The following ESRRG variants were observed in gnomAD, a reference collection of about 807,000 sequenced individuals.
ESRRG encodes the protein estrogen-related receptor gamma.
In ESRRG, 13 loss-of-function variants were observed where a neutral mutation model predicts 44.0. The observed-to-expected ratio is 0.30, with a 90% CI of 0.19 to 0.47. ESRRG has a LOEUF of 0.47. ESRRG is among the 20% of genes least tolerant of loss of function. The probability of loss-of-function intolerance (pLI) is 1.00; values close to 1 mark genes in which losing one functional copy is unlikely to be tolerated. For missense variants in ESRRG, 395 were observed against 580.6 expected (o/e 0.68, Z 3.29); for synonymous variants, 215 against 214.6 (o/e 1.00, Z -0.02).
At chr1:216,753,317 T>C (rs1180197714) in intron 2 of ESRRG, among the ~76,000 whole-genome samples, 1 of 152,068 alleles carries the variant, frequency 6.6e-6, no homozygotes, top group African/African-American at 2.4e-5. Context: ...GATATGACAA[T>C]TCAATTGGAT....
rs548078346 is a variant in ESRRG at position 216,673,007 on chromosome 1, C to T, written c.472+4069G>A. 6.0e-4 allele frequency among the ~76,000 whole-genome samples: 92 copies of T among 152,224 alleles called. 2 individuals carry two copies. The South Asian group carries it at 7.9e-3, about 13-fold the overall frequency. On this transcript the variant is annotated intron_variant, in intron 2 of 6. Transcript: ENST00000408911. ...TGAGGCAGGAGTCACATTTATGTAA[C>T]GGCCTGTCCATTGGGGCTCTAGTCT...
At chr1:216,833,834 GC>G (rs1312390305) in intron 2 of ESRRG, among the ~76,000 whole-genome samples, 1 of 152,168 alleles carries the variant, frequency 6.6e-6, no homozygotes, top group African/African-American at 2.4e-5. Flanking sequence ...CAAGCAAGTG[GC>G]AGTAAAATGC....
intron 2 of ESRRG, among the ~76,000 whole-genome samples, chr1:216,852,791 T>C (rs1160588736): frequency 6.6e-6 from 1 of 152,174 alleles, no homozygotes; most frequent in Non-Finnish European, 1.5e-5. Context: ...GGTCTAGAGA[T>C]AGGACTCATC....
intron 2 of ESRRG, among the ~76,000 whole-genome samples, chr1:216,788,274 G>C (rs1403590722): frequency 6.6e-6 from 1 of 152,110 alleles, no homozygotes; most frequent in African/African-American, 2.4e-5. Flanking sequence ...AAGCTCCAAA[G>C]AACAGGCCTA....
intron 5 of ESRRG, among the ~76,000 whole-genome samples, chr1:216,560,587 C>A (rs1164652616): frequency 6.6e-6 from 1 of 152,116 alleles, no homozygotes; most frequent in Non-Finnish European, 1.5e-5. Flanking sequence ...ATATTTTAAT[C>A]AACCAAAAAG....
intron 2 of ESRRG, among the ~76,000 whole-genome samples, chr1:216,839,482 T>A (rs2095617112): frequency 6.6e-6 from 1 of 152,228 alleles, no homozygotes; most frequent in Non-Finnish European, 1.5e-5. Flanking sequence ...TCTAGAATGA[T>A]GAATCCTTCC....
chr1:217,113,602 C>A (rs2092685259), intron 1 of ESRRG, among the ~76,000 whole-genome samples: 1 of 110,444 alleles, frequency 9.1e-6, no homozygotes, highest in Non-Finnish European at 2.3e-5. Flanking sequence ...TTGGGAGGGA[C>A]CATTTTTCAC....
At chr1:217,130,969 A>T (rs1264054379) in intron 1 of ESRRG, among the ~76,000 whole-genome samples, 1 of 152,172 alleles carries the variant, frequency 6.6e-6, no homozygotes, top group Non-Finnish European at 1.5e-5. Flanking sequence ...CTATATTGCC[A>T]CGAATTTAAT....
intron 1 of ESRRG, chr1:216,714,990 T>C (rs2084515492): frequency 3.0e-6 from 2 of 670,726 alleles, no homozygotes; most frequent in South Asian, 6.6e-5. Flanking sequence ...CCTGAGCTTC[T>C]GTGCATAAAT....
At chr1:216,744,963 G>C (rs569511796) in intron 2 of ESRRG, among the ~76,000 whole-genome samples, 2 of 152,254 alleles carry the variant, frequency 1.3e-5, no homozygotes, top group Admixed American at 1.3e-4. Context: ...AAACTATTTC[G>C]ATAGAGTAGA....
chr1:216,761,972 A>G (rs1211099333), intron 2 of ESRRG, among the ~76,000 whole-genome samples: 1 of 152,166 alleles, frequency 6.6e-6, no homozygotes, highest in African/African-American at 2.4e-5. Context: ...GTGGCTATTA[A>G]CAATAACAAT....
intron 1 of ESRRG, among the ~76,000 whole-genome samples, chr1:216,966,349 A>T (rs1388175505): frequency 1.4e-4 from 22 of 152,138 alleles, no homozygotes; most frequent in Non-Finnish European, 2.9e-4. Context: ...GGCTGTCTAT[A>T]CGTATGAATT....
intron 5 of ESRRG, among the ~76,000 whole-genome samples, chr1:216,550,732 A>G (rs1375850841): frequency 6.6e-6 from 1 of 152,186 alleles, no homozygotes; most frequent in Non-Finnish European, 1.5e-5. Flanking sequence ...ATATTAAGTC[A>G]TGGTCAATGA....
At chr1:216,561,979 T>C (rs6693114) in intron 5 of ESRRG, among the ~76,000 whole-genome samples, 2,764 of 152,280 alleles carry the variant, frequency 0.018, 74 homozygotes, top group East Asian at 0.058. Flanking sequence ...AAAGTTGCTA[T>C]CTTTACAAAA....
chr1:216,757,123 T>C (rs767403058), intron 2 of ESRRG, among the ~76,000 whole-genome samples: 13 of 152,198 alleles, frequency 8.5e-5, no homozygotes, highest in Non-Finnish European at 1.8e-4. Flanking sequence ...TAATTCAGAC[T>C]GTAAATCTTT....
At chr1:217,099,219 A>G (rs2092468362) in intron 1 of ESRRG, among the ~76,000 whole-genome samples, 1 of 152,210 alleles carries the variant, frequency 6.6e-6, no homozygotes, top group Admixed American at 6.5e-5. Flanking sequence ...GCCAAGAAAG[A>G]AATGCAAATG....
At chr1:216,568,189 G>A in intron 3 of ESRRG, 91 bp from the exon 4 acceptor site, 1 of 880,732 alleles carries the variant, frequency 1.1e-6, no homozygotes, top group Non-Finnish European at 1.9e-6. Context: ...AGAGCACATA[G>A]GTGACAAACA....
intron 1 of ESRRG, among the ~76,000 whole-genome samples, chr1:217,002,473 G>C (rs959819758): frequency 5.3e-5 from 8 of 151,920 alleles, no homozygotes; most frequent in African/African-American, 1.7e-4. Flanking sequence ...GATTCTGACA[G>C]TTATCTATAA....
intron 3 of ESRRG, among the ~76,000 whole-genome samples, chr1:216,596,684 T>C (rs1418059817): frequency 6.6e-6 from 1 of 152,206 alleles, no homozygotes; most frequent in Non-Finnish European, 1.5e-5. Flanking sequence ...GTGGGACAGA[T>C]GGCTAAACCA....
Sources: allele counts gnomAD v4.1 joint callset (sites outside exome capture counted in the v4.1 genomes callset), GRCh38; gene constraint gnomAD v4.1.1; transcripts MANE v1.5; gene names NCBI Gene and HGNC (gene_info 2026-07-23, HGNC 2026-07-21).